HMGB2: variants seen among roughly 807,000 people sequenced by gnomAD.
HMGB2 encodes the protein high mobility group protein B2.
In HMGB2, 2 loss-of-function variants were observed where a neutral mutation model predicts 23.0. The observed-to-expected ratio is 0.09, with a 90% CI of 0.04 to 0.27. The LOEUF is 0.27. Ranked by LOEUF, HMGB2 falls within the 10% of genes least tolerant of loss-of-function variation. The pLI is 1.00. For synonymous variants in HMGB2, 99 were observed against 87.5 expected (o/e 1.13, Z -0.73); for missense variants, 178 against 256.5 (o/e 0.69, Z 2.09).
Position 173,332,119 on chromosome 4 carries a change from T to A in HMGB2, c.591A>T (p.Glu197Asp), listed in dbSNP as rs375341097. ...PEDEEEEEEE[E>D]DEDEEEEDED... The stretch of plus-strand genomic sequence containing the variant: ...CATCCTCTTCCTCCTCATCTTCATC[T>A]TCTTCTTCCTCCTCCTCCTCCTCAT... The change falls in exon 5 of 5, where the codon GAA (glutamate) becomes GAT (aspartate). Residue 197 changes from glutamate to aspartate, a missense_variant. This residue lies in a region of HMGB2 where 45 missense variants were observed against 38.8 expected (regional missense o/e 1.16). Coordinates refer to ENST00000296503, the MANE Select transcript of HMGB2 (RefSeq NM_002129.4). 14 of 1,610,412 alleles carry A rather than the reference T, an allele frequency of 8.7e-6. No homozygotes were observed. Among genetic ancestry groups the A allele is most frequent in the South Asian group, 6.6e-5 (6 of 90,988 alleles).
Position 173,331,865 on chromosome 4 carries a change from G to A in HMGB2, c.*215C>T, listed in dbSNP as rs1738105397. ...TATTTAGGAACATTCAACATCAGAAGCTGTAAAATCTAACTGTATGAGTAG... is the reference window on the plus strand; with the variant it reads ...TATTTAGGAACATTCAACATCAGAAACTGTAAAATCTAACTGTATGAGTAG... On this transcript the variant is annotated 3_prime_UTR_variant, in exon 5 of 5. Transcript: ENST00000296503. 2 of 533,188 alleles carry A rather than the reference G, an allele frequency of 3.8e-6. No homozygotes were observed. 33.0% of individuals were successfully genotyped at this position (533,188 alleles called of 1,614,324 possible). A position where few individuals can be genotyped will look rare whatever the true frequency, so the allele number is the denominator to read the frequency against.
chr4:173,332,342 C>A (rs996588569), intron 4 of HMGB2, 104 bp from the exon 5 acceptor site: 6 of 870,992 alleles, frequency 6.9e-6, no homozygotes, highest in Non-Finnish European at 1.0e-5. Context: ...ACCCTAATAA[C>A]TGTCTAAAAA....
At chr4:173,332,631 T>C (rs953042037) in intron 4 of HMGB2, 190 bp downstream of exon 4, 3 of 594,814 alleles carry the variant, frequency 5.0e-6, no homozygotes, top group Non-Finnish European at 9.0e-6. Flanking sequence ...AATATACTAG[T>C]GCTACAAACA....
rs1002221210 is a variant in HMGB2 at position 173,333,246 on chromosome 4, G to A, written c.151-32C>T. The A allele has an allele frequency of 1.3e-5, 21 of 1,596,384 alleles. No individual in the cohort carries two copies. The highest frequency in any genetic ancestry group is 2.7e-5 in the African/African-American group (2 of 73,718). ...ACATAAAATAAGAGCCAAAAATACA[G>A]CAAAATTGTTACCTATAAACATCCA... On this transcript the variant is annotated intron_variant, in intron 2 of 4. Coordinates refer to ENST00000296503, the MANE Select transcript of HMGB2 (RefSeq NM_002129.4). This position sits in a 1 kb window ranked among gnomAD's most constrained non-coding sequence, Gnocchi z 4.6.
At chr4:173,332,627 C>T (rs1367369620) in intron 4 of HMGB2, 194 bp downstream of exon 4, 1 of 559,242 alleles carries the variant, frequency 1.8e-6, no homozygotes, top group African/African-American at 1.9e-5. Context: ...CAGGAATATA[C>T]TAGTGCTACA....
At position 173,333,497 on chromosome 4, in the gene HMGB2, C is replaced by CGCAG. The variant is rs780979807; in HGVS notation, c.150+2_150+3insCTGC. On this transcript the variant is annotated splice_region_variant and intron_variant, in intron 2 of 4. Transcript: ENST00000296503. This position sits in a 1 kb window ranked among gnomAD's most constrained non-coding sequence, Gnocchi z 4.6. ...CCTGAGCTCCGTCCCTCTCCTGCCT[C>CGCAG]ACCTTCCATCTCTCCGAACACTTCT... 2 of 1,612,268 alleles carry CGCAG rather than the reference C, an allele frequency of 1.2e-6. No homozygotes were observed. Among genetic ancestry groups the CGCAG allele is most frequent in the Non-Finnish European group, 1.7e-6 (2 of 1,178,960 alleles).
chr4:173,332,482 G>C, intron 4 of HMGB2: 1 of 511,934 alleles, frequency 2.0e-6, no homozygotes, highest in East Asian at 3.2e-5. Context: ...ATCACACACA[G>C]TGCCATAGTC....
rs753750055 is a variant in HMGB2 at position 173,333,688 on chromosome 4, G to A, written c.-20-19C>T. On this transcript the variant is annotated intron_variant, in intron 1 of 4. Coordinates refer to ENST00000296503, the MANE Select transcript of HMGB2 (RefSeq NM_002129.4). This position sits in a 1 kb window ranked among gnomAD's most constrained non-coding sequence, Gnocchi z 4.6. ...CGTCCACCTGACGGGGCCGAGGGGG[G>A]AGAGGGGAAGCCGGAGGGTCGGCGC... 1.6e-5 allele frequency: 25 copies of A among 1,563,348 alleles called. No individual in the cohort carries two copies. The African/African-American group carries it at 3.0e-4, about 19-fold the overall frequency.
chr4:173,333,836 C>A lies in HMGB2; in HGVS notation c.-20-167G>T, dbSNP rs533371861. On this transcript the variant is annotated intron_variant, in intron 1 of 4. Transcript: ENST00000296503. The surrounding 1 kb of genome is among the most constrained non-coding windows in gnomAD (Gnocchi z 4.6). ...TCCCAAGGGCGGCCGCCCGCGCCCC[C>A]GCCCGCGCCCCGGCGCACACCCTCC... Among the ~76,000 whole-genome samples, 319 of 151,570 alleles carry A rather than the reference C, an allele frequency of 2.1e-3. 1 individual carries two copies. Among genetic ancestry groups the A allele is most frequent in the African/African-American group, 7.2e-3 (299 of 41,348 alleles).
chr4:173,333,254 G>A lies in HMGB2; in HGVS notation c.151-40C>T, dbSNP rs750018822. On this transcript the variant is annotated intron_variant, in intron 2 of 4. Transcript: ENST00000296503. The surrounding 1 kb of genome is among the most constrained non-coding windows in gnomAD (Gnocchi z 4.6). ...TAAGAGCCAAAAATACAGCAAAATTGTTACCTATAAACATCCAAAGACGAC... is the reference window on the plus strand; with the variant it reads ...TAAGAGCCAAAAATACAGCAAAATTATTACCTATAAACATCCAAAGACGAC... 4 of 1,591,824 alleles carry A rather than the reference G, an allele frequency of 2.5e-6. No homozygotes were observed. In the East Asian group the frequency reaches 6.7e-5, roughly 27 times the overall value.
intron 4 of HMGB2, 120 bp from the exon 5 acceptor site, chr4:173,332,358 C>T (rs1738124264): frequency 1.3e-6 from 1 of 748,358 alleles, no homozygotes; most frequent in Non-Finnish European, 2.1e-6. Context: ...AAAAAGGTAA[C>T]CAGTCTAAGT....
rs1050448036 is a variant in HMGB2 at position 173,331,607 on chromosome 4, A to G, written c.*473T>C. ...CAACTGTGTCTAAGAACTACTAGGCAGAAATACCGAAAAAAATCAACATAG... is the reference window on the plus strand; with the variant it reads ...CAACTGTGTCTAAGAACTACTAGGCGGAAATACCGAAAAAAATCAACATAG... On this transcript the variant is annotated 3_prime_UTR_variant, in exon 5 of 5. Coordinates refer to ENST00000296503, the MANE Select transcript of HMGB2 (RefSeq NM_002129.4). 1 of 152,264 alleles carries G rather than the reference A, an allele frequency of 6.6e-6. No homozygotes were observed. Among genetic ancestry groups the G allele is most frequent in the African/African-American group, 2.4e-5 (1 of 41,366 alleles). The allele number at this position is 152,264 out of a possible 1,614,324, so 9.4% of individuals were successfully genotyped here.
Position 173,331,394 on chromosome 4 carries a change from A to ATATATATATATATATATATATG in HMGB2, c.*685_*686insCATATATATATATATATATATA, listed in dbSNP as rs33987506. Among the ~76,000 whole-genome samples the ATATATATATATATATATATATG allele has an allele frequency of 4.3e-5, 6 of 138,860 alleles. No individual in the cohort carries two copies. The highest frequency in any genetic ancestry group is 1.5e-4 in the African/African-American group (5 of 34,390). 91.1% of individuals were successfully genotyped at this position (138,860 alleles called of 152,430 possible). ...TATATACATATATATATATATATAT[A>ATATATATATATATATATATATG]TGTATATATATATACACACACCTGA... On this transcript the variant is annotated 3_prime_UTR_variant, in exon 5 of 5. Transcript: ENST00000296503.
Position 173,333,123 on chromosome 4 carries a change from G to C in HMGB2, c.242C>G (p.Pro81Arg). Residue 81 changes from proline (P) to arginine (R), a missense_variant, in exon 3 of 5, where the codon CCC becomes CGC. Transcript: ENST00000296503. The surrounding 1 kb of genome is among the most constrained non-coding windows in gnomAD (Gnocchi z 4.6). ...TTTCTTCCCCTTCTTATCACCTTTGGGAGGAACGTAATTTTTCATCTCCCT... is the reference window on the plus strand; with the variant it reads ...TTTCTTCCCCTTCTTATCACCTTTGCGAGGAACGTAATTTTTCATCTCCCT... Reference protein sequence around the residue: ...YDREMKNYVPPKGDKKGKKKD... With the variant: ...YDREMKNYVPRKGDKKGKKKD... 2 of 1,614,066 alleles carry C rather than the reference G, an allele frequency of 1.2e-6. No individual in the cohort carries two copies. The highest frequency in any genetic ancestry group is 2.2e-5 in the East Asian group (1 of 44,880).
In HMGB2 at chr4:173,333,823, C is replaced by CCGCCCG. The variant is rs1738174837; in HGVS notation, c.-20-160_-20-155dup. Among the ~76,000 whole-genome samples, 1 of 148,990 alleles carries CCGCCCG rather than the reference C, an allele frequency of 6.7e-6. No individual in the cohort carries two copies. The highest frequency in any genetic ancestry group is 2.1e-4 in the South Asian group (1 of 4,662). On this transcript the variant is annotated intron_variant, in intron 1 of 4. Coordinates refer to ENST00000296503, the MANE Select transcript of HMGB2 (RefSeq NM_002129.4). This position sits in a 1 kb window ranked among gnomAD's most constrained non-coding sequence, Gnocchi z 4.6. ...CCCGAGGGCGTCCTCCCAAGGGCGG[C>CCGCCCG]CGCCCGCGCCCCCGCCCGCGCCCCG...
At chr4:173,332,344 G>A (rs763317331) in intron 4 of HMGB2, 106 bp from the exon 5 acceptor site, 217 of 819,748 alleles carry the variant, frequency 2.6e-4, no homozygotes, top group Non-Finnish European at 3.8e-4. Flanking sequence ...CCTAATAACT[G>A]TCTAAAAAGG....
chr4:173,332,889 C>G lies in HMGB2; in HGVS notation c.403G>C (p.Glu135Gln). The change falls in exon 4 of 5, where the codon GAG becomes CAG. Residue 135 changes from glutamate to glutamine, a missense_variant. By Grantham distance (29) the Glu-to-Gln change is conservative. Transcript: ENST00000296503. Reference protein sequence around the residue: ...TAKKLGEMWSEQSAKDKQPYE... With the variant: ...TAKKLGEMWSQQSAKDKQPYE... The stretch of plus-strand genomic sequence containing the variant: ...GGTTGTTTATCTTTGGCTGACTGCT[C>G]AGACCACATTTCACCCAATTTCTTT... 3 of 1,614,186 alleles carry G rather than the reference C, an allele frequency of 1.9e-6. No homozygotes were observed. Among genetic ancestry groups the G allele is most frequent in the Non-Finnish European group, 2.5e-6 (3 of 1,180,026 alleles).
In HMGB2 at chr4:173,333,192, G is replaced by T; in HGVS notation, c.173C>A (p.Ser58Ter). 6.2e-7 allele frequency: 1 copy of T among 1,613,736 alleles called. No individual in the cohort carries two copies. The highest frequency in any genetic ancestry group is 1.1e-5 in the South Asian group (1 of 91,060). The change falls in exon 3 of 5, where the codon TCG (serine) becomes TAG (stop). Residue 58 changes from serine to a stop codon, truncating the protein, a stop_gained. Coordinates refer to ENST00000296503, the MANE Select transcript of HMGB2 (RefSeq NM_002129.4). LOFTEE classifies it high-confidence loss of function. This position sits in a 1 kb window ranked among gnomAD's most constrained non-coding sequence, Gnocchi z 4.6. ...ACTTTTTGCCATATCTTCAAACTTC[G>T]ACTTCTCCTTTGCAGACATGGTCTG... ...RWKTMSAKEK[S>*]KFEDMAKSDK...
Position 173,333,404 on chromosome 4 carries a change from A to C in HMGB2, c.150+96T>G. 6.8e-7 allele frequency: 1 copy of C among 1,476,376 alleles called. No homozygotes were observed. Among genetic ancestry groups the C allele is most frequent in the South Asian group, 1.3e-5 (1 of 75,690 alleles). The allele number at this position is 1,476,376 out of a possible 1,614,324, so 91.5% of individuals were successfully genotyped here. ...ATTCAGGTGAGTCACTGGGGTGGCA[A>C]AGTTGAAGCTCATGAGTTGCCTACT... On this transcript the variant is annotated intron_variant, in intron 2 of 4. Coordinates refer to ENST00000296503, the MANE Select transcript of HMGB2 (RefSeq NM_002129.4). This position sits in a 1 kb window ranked among gnomAD's most constrained non-coding sequence, Gnocchi z 4.6.
Sources: allele counts gnomAD v4.1 joint callset (sites outside exome capture counted in the v4.1 genomes callset), GRCh38; gene constraint gnomAD v4.1.1; regional missense constraint gnomAD v4.1.1; non-coding constraint Gnocchi (gnomAD v3.1); transcripts MANE v1.5; gene names NCBI Gene and HGNC (gene_info 2026-07-23, HGNC 2026-07-21).